Variants in AKAP6 observed in about 807,000 individuals in gnomAD.
AKAP6 encodes the protein A-kinase anchoring protein 6, also known as A-kinase anchor protein 6.
AKAP6 carries 58 observed loss-of-function variants against 188.5 expected under a neutral mutation model. The ratio of observed to expected loss-of-function variants is 0.31; its 90% CI spans 0.25 to 0.38. AKAP6 has a LOEUF of 0.38. AKAP6 is among the 10% of genes least tolerant of loss of function. The probability of loss-of-function intolerance (pLI) is 1.00; values close to 1 mark genes in which losing one functional copy is unlikely to be tolerated. For missense variants in AKAP6, 2,710 were observed against 2,740.0 expected, an observed-to-expected ratio of 0.99 and a Z score of 0.24; for synonymous variants, 989 against 998.6, an observed-to-expected ratio of 0.99 and a Z score of 0.18.
chr14:32,630,650 T>C (rs1339240366), intron 7 of AKAP6, among the ~76,000 whole-genome samples: 3 of 152,062 alleles, frequency 2.0e-5, no homozygotes, highest in African/African-American at 7.2e-5. Flanking sequence ...TCTAATGTTC[T>C]TTGAAATTTG....
intron 7 of AKAP6, among the ~76,000 whole-genome samples, chr14:32,607,873 C>G (rs976128037): frequency 1.4e-4 from 22 of 152,130 alleles, no homozygotes; most frequent in African/African-American, 4.8e-4. Flanking sequence ...CTAGGGAGAA[C>G]TCTTTCTGCT....
intron 2 of AKAP6, among the ~76,000 whole-genome samples, chr14:32,493,016 G>A (rs112010018): frequency 2.0e-5 from 3 of 152,236 alleles, no homozygotes; most frequent in African/African-American, 4.8e-5. Flanking sequence ...ACAAATGGAA[G>A]AACCTCAGCC....
At chr14:32,760,881 T>C (rs1363022902) in intron 11 of AKAP6, among the ~76,000 whole-genome samples, 2 of 152,206 alleles carry the variant, frequency 1.3e-5, no homozygotes, top group African/African-American at 4.8e-5. Flanking sequence ...AATATCTCTC[T>C]ACTACCTAAT....
chr14:32,715,779 T>A (rs2383373), intron 9 of AKAP6, among the ~76,000 whole-genome samples: 64,345 of 151,318 alleles, frequency 0.43, 13,836 homozygotes, highest in Non-Finnish European at 0.46. Flanking sequence ...GATTTTTTTT[T>A]AAAATTCTAG....
At chr14:32,419,771 TA>T (rs199497944) in intron 1 of AKAP6, among the ~76,000 whole-genome samples, 20 of 151,256 alleles carry the variant, frequency 1.3e-4, no homozygotes, top group South Asian at 4.2e-4. Context: ...CATTTTGTAT[TA>T]AAAAAAAATA....
chr14:32,794,703 C>T (rs2033711756), intron 12 of AKAP6, among the ~76,000 whole-genome samples: 7 of 152,098 alleles, frequency 4.6e-5, no homozygotes, highest in Admixed American at 4.6e-4. Flanking sequence ...AGAAAGATCT[C>T]AGGTTAACAA....
At chr14:32,711,724 T>G (rs1045334390) in intron 9 of AKAP6, among the ~76,000 whole-genome samples, 56 of 152,006 alleles carry the variant, frequency 3.7e-4, no homozygotes, top group African/African-American at 1.3e-3. Flanking sequence ...TTTTATTCTA[T>G]AGATCCCCCT....
At chr14:32,465,079 G>A (rs1566519197) in intron 2 of AKAP6, among the ~76,000 whole-genome samples, 1 of 152,114 alleles carries the variant, frequency 6.6e-6, no homozygotes, top group South Asian at 2.1e-4. Flanking sequence ...ACTGCTCAAG[G>A]AAACAAGATA....
At chr14:32,747,669 T>C (rs1479282035) in intron 11 of AKAP6, among the ~76,000 whole-genome samples, 2 of 152,156 alleles carry the variant, frequency 1.3e-5, no homozygotes, top group African/African-American at 4.8e-5. Context: ...TGGGTTAAGG[T>C]TGAAATTCAA....
In AKAP6 at chr14:32,823,723, T is replaced by C; in HGVS notation, c.5910T>C (p.Phe1970=). The change falls in exon 13 of 14, where the codon TTT becomes TTC. Residue 1970 remains phenylalanine (F), a synonymous_variant. Coordinates refer to ENST00000280979, the MANE Select transcript of AKAP6 (RefSeq NM_004274.5). ...AGAAATGTCCAAATCACCACCATTT[T>C]GAAAATCAAAGCACTGCCTCTACTC... ...LPKKCPNHHH[F]ENQSTASTPT... is the part of the protein sequence containing the mutation. The C allele has an allele frequency of 6.2e-7, 1 of 1,613,728 alleles. No individual in the cohort carries two copies.
intron 1 of AKAP6, among the ~76,000 whole-genome samples, chr14:32,380,658 C>A (rs1424384437): frequency 1.3e-5 from 2 of 152,174 alleles, no homozygotes; most frequent in East Asian, 3.9e-4. Context: ...TAAGGGAAAG[C>A]AATCCCAACA....
At chr14:32,596,706 A>G (rs995520508) in intron 5 of AKAP6, among the ~76,000 whole-genome samples, 9 of 152,178 alleles carry the variant, frequency 5.9e-5, no homozygotes, top group Non-Finnish European at 1.2e-4. Flanking sequence ...TGCTATGGAT[A>G]TTGCAGAGGG....
chr14:32,430,905 G>A (rs1208880200), intron 1 of AKAP6, among the ~76,000 whole-genome samples: 1 of 152,002 alleles, frequency 6.6e-6, no homozygotes, highest in Non-Finnish European at 1.5e-5. Context: ...AGGAGATGGA[G>A]ACCATCCTGG....
At chr14:32,353,101 C>G (rs1887347758) in intron 1 of AKAP6, among the ~76,000 whole-genome samples, 1 of 151,964 alleles carries the variant, frequency 6.6e-6, no homozygotes, top group Admixed American at 6.6e-5. Flanking sequence ...GGGGTGCCAA[C>G]CTCCCATTTC....
intron 1 of AKAP6, among the ~76,000 whole-genome samples, chr14:32,410,244 G>C (rs181691852): frequency 6.6e-6 from 1 of 152,064 alleles, no homozygotes; most frequent in Admixed American, 6.6e-5. Flanking sequence ...TATTCTCTCT[G>C]AAGTCTGCTG....
At chr14:32,425,302 G>A (rs1323782704) in intron 1 of AKAP6, among the ~76,000 whole-genome samples, 1 of 152,088 alleles carries the variant, frequency 6.6e-6, no homozygotes, top group African/African-American at 2.4e-5. Context: ...CTTTTGAAAA[G>A]TGTCTGTTCA....
intron 7 of AKAP6, among the ~76,000 whole-genome samples, chr14:32,623,816 T>C (rs1886907272): frequency 6.6e-6 from 1 of 152,192 alleles, no homozygotes; most frequent in South Asian, 2.1e-4. Context: ...TTCATATCTT[T>C]GTCTCCTAAC....
At chr14:32,518,441 C>T (rs367725129) in intron 2 of AKAP6, among the ~76,000 whole-genome samples, 6 of 152,048 alleles carry the variant, frequency 3.9e-5, no homozygotes, top group African/African-American at 1.4e-4. Context: ...AAGATAAAAA[C>T]CTTGAAAAAA....
rs140961310 is a variant in AKAP6, at chr14:32,566,480, C to T, written c.2347-10640C>T. ...TTCAAGAACCATGAGTCTGCATTATCATACATCTCATGCTTTATGTTGCTC... is the reference window on the plus strand; with the variant it reads ...TTCAAGAACCATGAGTCTGCATTATTATACATCTCATGCTTTATGTTGCTC... On this transcript the variant is annotated intron_variant, in intron 4 of 13. Transcript: ENST00000280979. Among the ~76,000 whole-genome samples the T allele has an allele frequency of 6.8e-4, 104 of 152,278 alleles. 1 individual carries two copies. The East Asian group carries it at 0.014, about 21-fold the overall frequency.
Sources: allele counts gnomAD v4.1 joint callset (sites outside exome capture counted in the v4.1 genomes callset), GRCh38; gene constraint gnomAD v4.1.1; transcripts MANE v1.5; gene names NCBI Gene and HGNC (gene_info 2026-07-23, HGNC 2026-07-21).